Variants in TNS3 observed in about 807,000 individuals in gnomAD.
TNS3 encodes the protein tensin 3.
Under a neutral mutation model 140.9 loss-of-function variants are expected in TNS3, and 45 were observed. That is an observed-to-expected ratio of 0.32 (90% CI 0.25 to 0.41). The LOEUF (loss-of-function observed/expected upper bound fraction) is 0.41. TNS3 is among the 10% of genes least tolerant of loss of function. The pLI is 1.00. For synonymous variants in TNS3, 815 were observed against 788.4 expected (o/e 1.03, Z -0.56); for missense variants, 1,716 against 1,906.7 (o/e 0.90, Z 1.86).
intron 4 of TNS3, among the ~76,000 whole-genome samples, chr7:47,442,367 G>A (rs993623652): frequency 1.3e-5 from 2 of 152,230 alleles, no homozygotes; most frequent in Non-Finnish European, 1.5e-5. Flanking sequence ...CTCCAACACA[G>A]GAGGTGCCAG....
chr7:47,389,526 G>A (rs1584544768), intron 16 of TNS3, among the ~76,000 whole-genome samples: 1 of 152,180 alleles, frequency 6.6e-6, no homozygotes, highest in African/African-American at 2.4e-5. Context: ...GATTCCTGTC[G>A]GATTCGAAAA....
At chr7:47,390,203 C>T (rs1792430349) in intron 16 of TNS3, among the ~76,000 whole-genome samples, 1 of 152,226 alleles carries the variant, frequency 6.6e-6, no homozygotes, top group South Asian at 2.1e-4. Context: ...GTGCCATCGG[C>T]CCCCTCCTCC....
At chr7:47,509,775 C>A (rs1413077268) in intron 2 of TNS3, among the ~76,000 whole-genome samples, 1 of 152,144 alleles carries the variant, frequency 6.6e-6, no homozygotes, top group Non-Finnish European at 1.5e-5. Context: ...CCTGCACCCA[C>A]CTCCTGGGCC....
In TNS3 at chr7:47,407,280, C is replaced by T. The variant is rs946721128; in HGVS notation, c.723+4447G>A. The stretch of plus-strand genomic sequence containing the variant: ...CTGTGAAGCCACTCCTTCTCTGACA[C>T]GCTGGAAATCATCTCTCCCACCTAA... On this transcript the variant is annotated intron_variant, in intron 13 of 30. Transcript: ENST00000311160. This position sits in a 1 kb window ranked among gnomAD's most constrained non-coding sequence, Gnocchi z 4.1. Among the ~76,000 whole-genome samples the T allele has an allele frequency of 7.2e-5, 11 of 152,148 alleles. No homozygotes were observed. The highest frequency in any genetic ancestry group is 1.4e-4 in the African/African-American group (6 of 41,422).
chr7:47,336,036 C>T (rs1788612746), intron 20 of TNS3, among the ~76,000 whole-genome samples: 1 of 152,110 alleles, frequency 6.6e-6, no homozygotes, highest in Admixed American at 6.5e-5. Flanking sequence ...GTGTTGTTAT[C>T]ACAGAGCTTA....
intron 1 of TNS3, among the ~76,000 whole-genome samples, chr7:47,542,614 T>C (rs573874426): frequency 6.6e-6 from 1 of 152,318 alleles, no homozygotes; most frequent in African/African-American, 2.4e-5. Flanking sequence ...AGGGAGTTTC[T>C]ATGTGCCACC....
At chr7:47,415,255 C>T in intron 10 of TNS3, 49 bp from the exon 11 acceptor site, 1 of 1,382,654 alleles carries the variant, frequency 7.2e-7, no homozygotes, top group South Asian at 1.3e-5. Flanking sequence ...TCTTCAGCCT[C>T]TGCTGAGAAG....
At chr7:47,329,742 G>A (rs1011102411) in intron 20 of TNS3, among the ~76,000 whole-genome samples, 19 of 152,160 alleles carry the variant, frequency 1.2e-4, no homozygotes, top group African/African-American at 3.9e-4. Context: ...AGAGGAAGGC[G>A]GCACGGGGCG....
intron 3 of TNS3, among the ~76,000 whole-genome samples, chr7:47,488,045 C>T (rs1033009791): frequency 2.0e-5 from 3 of 152,124 alleles, no homozygotes; most frequent in African/African-American, 7.2e-5. Flanking sequence ...CACGGAGTAG[C>T]AGCCTGGTTG....
chr7:47,454,868 C>T (rs1796181743), intron 4 of TNS3, among the ~76,000 whole-genome samples: 1 of 152,158 alleles, frequency 6.6e-6, no homozygotes, highest in Non-Finnish European at 1.5e-5. Context: ...TTAATGAGCC[C>T]GTGTTAATGT....
At chr7:47,444,918 A>G (rs1285024696) in intron 4 of TNS3, among the ~76,000 whole-genome samples, 1 of 152,202 alleles carries the variant, frequency 6.6e-6, no homozygotes, top group South Asian at 2.1e-4. Flanking sequence ...GAAAAGTCAG[A>G]AAGTGTTGAA....
intron 1 of TNS3, among the ~76,000 whole-genome samples, chr7:47,563,201 C>G (rs1800353336): frequency 6.6e-6 from 1 of 152,214 alleles, no homozygotes; most frequent in African/African-American, 2.4e-5. Flanking sequence ...AACACAGAAC[C>G]CCTCCTGCCT....
intron 1 of TNS3, among the ~76,000 whole-genome samples, chr7:47,573,582 T>G (rs1290633725): frequency 6.6e-6 from 1 of 151,858 alleles, no homozygotes; most frequent in African/African-American, 2.4e-5. Context: ...TGCCCCTCCA[T>G]CGCGACGGGT....
At chr7:47,509,102 G>A (rs1248220937) in intron 2 of TNS3, among the ~76,000 whole-genome samples, 2 of 152,186 alleles carry the variant, frequency 1.3e-5, no homozygotes, top group East Asian at 1.9e-4. Flanking sequence ...CATGCAACAC[G>A]CCAACTCAAC....
intron 1 of TNS3, among the ~76,000 whole-genome samples, chr7:47,530,156 ATGCTAGAAAGT>A (rs1445526032): frequency 6.6e-6 from 1 of 152,220 alleles, no homozygotes; most frequent in Non-Finnish European, 1.5e-5. Context: ...ACTATTCTAT[ATGCTAGAAAGT>A]TAAGTAGAGA....
At chr7:47,363,037 C>G (rs796723815) in intron 17 of TNS3, among the ~76,000 whole-genome samples, 2 of 142,946 alleles carry the variant, frequency 1.4e-5, no homozygotes, top group African/African-American at 5.5e-5. Flanking sequence ...CCATCACCAT[C>G]AACATCATCA....
In TNS3 at chr7:47,396,862, T is replaced by C. The variant is rs772968697; in HGVS notation, c.962A>G (p.Tyr321Cys). 5.0e-6 allele frequency: 8 copies of C among 1,614,234 alleles called. No homozygotes were observed. The highest frequency in any genetic ancestry group is 6.8e-6 in the Non-Finnish European group (8 of 1,180,032). ...GCGTATCAGTGGGTCTGTTGTGTTG[T>C]AGTCCACAATCACACCGTGGTCGTT... is the stretch of plus-strand genomic sequence containing the variant. ...LYNDHGVIVD[Y>C]NTTDPLIRWD... Residue 321 changes from tyrosine to cysteine, a missense_variant, in exon 16 of 31, where the codon TAC (tyrosine) becomes TGC (cysteine). By Grantham distance (194) the Tyr-to-Cys change is radical (BLOSUM62 -2). Transcript: ENST00000311160.
chr7:47,487,717 A>G (rs1234833811), intron 3 of TNS3, among the ~76,000 whole-genome samples: 3 of 152,226 alleles, frequency 2.0e-5, no homozygotes, highest in Non-Finnish European at 4.4e-5. Flanking sequence ...CCAAGTACAG[A>G]GACATCACCT....
intron 3 of TNS3, among the ~76,000 whole-genome samples, chr7:47,485,605 TCATGGGCTGTGGGCCAAAAGC>T (rs1349756115): frequency 6.6e-6 from 1 of 152,198 alleles, no homozygotes; most frequent in Admixed American, 6.5e-5. Flanking sequence ...AGGCAGTGGG[TCATGGGCTGTGGGCCAAAAGC>T]CATGGGCTGT....
Sources: allele counts gnomAD v4.1 joint callset (sites outside exome capture counted in the v4.1 genomes callset), GRCh38; gene constraint gnomAD v4.1.1; non-coding constraint Gnocchi (gnomAD v3.1); transcripts MANE v1.5; gene names NCBI Gene and HGNC (gene_info 2026-07-23, HGNC 2026-07-21).